The following ABCA7 variants were observed in gnomAD, a reference collection of about 807,000 sequenced individuals.
ABCA7 encodes the protein phospholipid-transporting ATPase ABCA7.
ABCA7 carries 261 observed loss-of-function variants against 227.6 expected under a neutral mutation model. The observed-to-expected ratio is 1.15, with a 90% confidence interval of 1.04 to 1.27. The LOEUF (loss-of-function observed/expected upper bound fraction) is 1.27, where lower values mean the gene tolerates loss of function less well. ABCA7 is among the 50% of genes most tolerant of loss of function. The pLI, the probability that ABCA7 is intolerant of heterozygous loss-of-function variation, is 0.00. For missense variants in ABCA7, 3,331 were observed against 2,924.5 expected (o/e 1.14, Z -3.21); for synonymous variants, 1,488 against 1,279.7 (o/e 1.16, Z -3.47).
Position 1,054,278 on chromosome 19 carries a change from C to G in ABCA7, c.3663C>G (p.Leu1221=). Reference sequence around the variant, plus strand: ...GCTGGGCACTGACCCGCCAGCAGCTCCAGGCCCTGCTTCTCAAGCGCTTTC... The same window carrying G: ...GCTGGGCACTGACCCGCCAGCAGCTGCAGGCCCTGCTTCTCAAGCGCTTTC... The part of the protein sequence containing the change: ...VQGWALTRQQ[L]QALLLKRFLL... Residue 1221 remains leucine, a synonymous_variant, in exon 27 of 47, where the codon CTC becomes CTG. Transcript: ENST00000263094. This position sits in a 1 kb window ranked among gnomAD's most constrained non-coding sequence, Gnocchi z 4.8. 1 of 1,608,244 alleles carries G rather than the reference C, an allele frequency of 6.2e-7. No homozygotes were observed. Among genetic ancestry groups the G allele is most frequent in the Non-Finnish European group, 8.5e-7 (1 of 1,179,354 alleles).
chr19:1,057,580 C>A, intron 35 of ABCA7, 151 bp downstream of exon 35: 1 of 844,186 alleles, frequency 1.2e-6, no homozygotes, highest in Non-Finnish European at 1.9e-6. Flanking sequence ...AGTGGTGTGC[C>A]AAGGTGGCCT....
Position 1,047,608 on chromosome 19 carries a change from G to A in ABCA7, c.2223G>A (p.Ala741=), listed in dbSNP as rs1326518760. The A allele has an allele frequency of 1.9e-6, 3 of 1,601,982 alleles. No individual in the cohort carries two copies. Among genetic ancestry groups the A allele is most frequent in the South Asian group, 1.1e-5 (1 of 90,790 alleles). Reference sequence around the variant, plus strand: ...TCTCTGGCCTTCTGCTGCTGGACGCGGCGCTCTACGGCCTCGCCACCTGGT... The same window carrying A: ...TCTCTGGCCTTCTGCTGCTGGACGCAGCGCTCTACGGCCTCGCCACCTGGT... ...AQVSGLLLLD[A]ALYGLATWYL... Residue 741 remains alanine (A), a synonymous_variant, in exon 16 of 47, where the codon GCG becomes GCA. Transcript: ENST00000263094.
At chr19:1,063,708 G>A (rs1026285887) in intron 43 of ABCA7, 30 bp downstream of exon 43, 3 of 1,562,992 alleles carry the variant, frequency 1.9e-6, no homozygotes, top group Non-Finnish European at 8.7e-7. Flanking sequence ...GGGTGGGGTG[G>A]GGCCTGCGAC....
chr19:1,052,625 A>AG (rs1568347194), intron 23 of ABCA7, among the ~76,000 whole-genome samples: 3 of 282 alleles, frequency 0.011, 1 homozygote, highest in East Asian at 0.11. Flanking sequence ...AGGGGGAGGG[A>AG]AAGGGGGAGG....
At position 1,063,873 on chromosome 19, in the gene ABCA7, G is replaced by C. The variant is rs560065713; in HGVS notation, c.5951+10G>C. On this transcript the variant is annotated intron_variant, in intron 44 of 46. Coordinates refer to ENST00000263094, the MANE Select transcript of ABCA7 (RefSeq NM_019112.4). ...TGCTCACCTCCCATAGGTGGGCCGG[G>C]CTCTGATGCCCTGGGCTGTGGTTAA... is the stretch of plus-strand genomic sequence containing the variant. 173 of 1,524,192 alleles carry C rather than the reference G, an allele frequency of 1.1e-4. No individual in the cohort carries two copies. Among genetic ancestry groups the C allele is most frequent in the Non-Finnish European group, 1.4e-4 (154 of 1,135,404 alleles). The allele number at this position is 1,524,192 out of a possible 1,614,324, so 94.4% of individuals were successfully genotyped here. A position where few individuals can be genotyped will look rare whatever the true frequency, so the allele number is the denominator to read the frequency against.
At position 1,055,928 on chromosome 19, in the gene ABCA7, G is replaced by A; in HGVS notation, c.4227G>A (p.Val1409=). The change falls in exon 31 of 47, where the codon GTG becomes GTA. Residue 1409 remains valine (V), a synonymous_variant. Transcript: ENST00000263094. Reference sequence around the variant, plus strand: ...ACAGCCTGAAGACTAAGAAGTGGGTGAATGAGGTCAGGTGAGGAGGGGTCT... The same window carrying A: ...ACAGCCTGAAGACTAAGAAGTGGGTAAATGAGGTCAGGTGAGGAGGGGTCT... ...VRQGLKTKKW[V]NEVRYGGFSL... The A allele has an allele frequency of 6.3e-7, 1 of 1,595,420 alleles. No individual in the cohort carries two copies. The highest frequency in any genetic ancestry group is 8.5e-7 in the Non-Finnish European group (1 of 1,169,886).
Position 1,057,297 on chromosome 19 carries a change from T to A in ABCA7, c.4765-17T>A. ...ACCTCTTTAGGCTGATAAAGGTAAC[T>A]GCCATCTCCAATGCAGTGTAACTAC... On this transcript the variant is annotated splice_polypyrimidine_tract_variant and intron_variant, in intron 34 of 46. Transcript: ENST00000263094. 6.2e-7 allele frequency: 1 copy of A among 1,613,248 alleles called. No individual in the cohort carries two copies. Among genetic ancestry groups the A allele is most frequent in the Non-Finnish European group, 8.5e-7 (1 of 1,179,430 alleles).
chr19:1,054,583 C>A lies in ABCA7; in HGVS notation c.3740C>A (p.Ala1247Asp). ...RGLFAQIVLP[A>D]LFVGLALVFS... ...CTGGTCCCCCAGATCGTGCTGCCTG[C>A]CCTCTTTGTGGGCCTGGCCCTCGTG... The change falls in exon 28 of 47, where the codon GCC becomes GAC. Residue 1247 changes from alanine to aspartate, a missense_variant. Coordinates refer to ENST00000263094, the MANE Select transcript of ABCA7 (RefSeq NM_019112.4). The surrounding 1 kb of genome is among the most constrained non-coding windows in gnomAD (Gnocchi z 4.8). The A allele has an allele frequency of 6.2e-7, 1 of 1,610,868 alleles. No homozygotes were observed. Among genetic ancestry groups the A allele is most frequent in the Non-Finnish European group, 8.5e-7 (1 of 1,178,598 alleles).
At position 1,056,863 on chromosome 19, in the gene ABCA7, C is replaced by CATG; in HGVS notation, c.4587-43_4587-41dup. 6.3e-7 allele frequency: 1 copy of CATG among 1,589,266 alleles called. No individual in the cohort carries two copies. On this transcript the variant is annotated intron_variant, in intron 33 of 46. Transcript: ENST00000263094. The surrounding 1 kb of genome is among the most constrained non-coding windows in gnomAD (Gnocchi z 4.3). ...GTGTTCAGCTCTGCTCTGAGCAACC[C>CATG]ATGCACCCTCACCCTACAACAGCTC...
At chr19:1,063,939 C>T in intron 44 of ABCA7, 76 bp downstream of exon 44, 1 of 1,453,282 alleles carries the variant, frequency 6.9e-7, no homozygotes, top group Non-Finnish European at 9.1e-7. Context: ...AGCACAAGGC[C>T]ACAGGGGATG....
chr19:1,053,133 A>G (rs1324113867), intron 23 of ABCA7, among the ~76,000 whole-genome samples, 196 bp from the exon 24 acceptor site: 3 of 152,180 alleles, frequency 2.0e-5, no homozygotes, highest in African/African-American at 7.2e-5. Context: ...ACCTCAGGTG[A>G]TCTGCCTGCT....
At chr19:1,064,277 A>T in intron 45 of ABCA7, 24 bp downstream of exon 45, 1 of 1,540,248 alleles carries the variant, frequency 6.5e-7, no homozygotes, top group Non-Finnish European at 8.7e-7. Flanking sequence ...GCCTCCAGGC[A>T]GGTGTGGGGT....
chr19:1,048,982 G>C lies in ABCA7; in HGVS notation c.2357G>C (p.Cys786Ser), dbSNP rs1194091425. Residue 786 changes from cysteine (C) to serine (S), a missense_variant, in exon 17 of 47, where the codon TGC becomes TCC. By Grantham distance (112) the Cys-to-Ser change is moderately radical. Coordinates refer to ENST00000263094, the MANE Select transcript of ABCA7 (RefSeq NM_019112.4). The part of the protein sequence containing the change: ...GPRPPKSPAP[C>S]PTPLDPKVLV... ...CGGCCCCCCAAGAGTCCAGCCCCTT[G>C]CCCCACCCCGCTGGACCCAAAGGGT... 5 of 1,600,066 alleles carry C rather than the reference G, an allele frequency of 3.1e-6. No homozygotes were observed. The highest frequency in any genetic ancestry group is 4.3e-6 in the Non-Finnish European group (5 of 1,173,618).
intron 37 of ABCA7, 72 bp from the exon 38 acceptor site, chr19:1,058,546 A>G: frequency 5.7e-6 from 9 of 1,587,816 alleles, no homozygotes; most frequent in Non-Finnish European, 7.7e-6. Flanking sequence ...AAGAATCCAG[A>G]GTGACATGGA....
At chr19:1,062,577 C>T (rs1423215154) in intron 42 of ABCA7, among the ~76,000 whole-genome samples, 1 of 152,064 alleles carries the variant, frequency 6.6e-6, no homozygotes, top group Admixed American at 6.5e-5. Flanking sequence ...CGTTGCCCCT[C>T]TCTCCTTGAC....
intron 9 of ABCA7, 120 bp from the exon 10 acceptor site, chr19:1,043,605 G>A (rs1192876898): frequency 1.3e-6 from 2 of 1,557,134 alleles, no homozygotes; most frequent in Non-Finnish European, 1.8e-6. Flanking sequence ...AGCCGATGGA[G>A]GGGGATCAGC....
At position 1,045,042 on chromosome 19, in the gene ABCA7, C is replaced by T. The variant is rs1288899237; in HGVS notation, c.1256C>T (p.Ala419Val). ...LDKLEAAPSEAALVSRALQLL... is the reference protein window; with the variant it reads ...LDKLEAAPSEVALVSRALQLL... ...AAGCTGGAGGCGGCACCCTCAGAGGCAGCCCTGGTGTCGCGGGCCCTGCAA... is the reference window on the plus strand; with the variant it reads ...AAGCTGGAGGCGGCACCCTCAGAGGTAGCCCTGGTGTCGCGGGCCCTGCAA... The change falls in exon 12 of 47, where the codon GCA (alanine) becomes GTA (valine). Residue 419 changes from alanine to valine, a missense_variant. Coordinates refer to ENST00000263094, the MANE Select transcript of ABCA7 (RefSeq NM_019112.4). The T allele has an allele frequency of 6.2e-7, 1 of 1,612,898 alleles. No individual in the cohort carries two copies. Among genetic ancestry groups the T allele is most frequent in the South Asian group, 1.1e-5 (1 of 91,076 alleles).
intron 16 of ABCA7, among the ~76,000 whole-genome samples, chr19:1,048,304 C>A (rs548091360): frequency 6.7e-6 from 1 of 149,364 alleles, no homozygotes; most frequent in African/African-American, 2.5e-5. Flanking sequence ...TCGAGACCAG[C>A]CTGACCAACA....
At position 1,042,324 on chromosome 19, in the gene ABCA7, A is replaced by G; in HGVS notation, c.425A>G (p.Gln142Arg). The G allele has an allele frequency of 1.3e-6, 2 of 1,579,372 alleles. No individual in the cohort carries two copies. Among genetic ancestry groups the G allele is most frequent in the Non-Finnish European group, 1.7e-6 (2 of 1,156,878 alleles). The change falls in exon 6 of 47, where the codon CAA becomes CGA. Residue 142 changes from glutamine (Q) to arginine (R), a missense_variant. Coordinates refer to ENST00000263094, the MANE Select transcript of ABCA7 (RefSeq NM_019112.4). ...LRAARSTAQPQPTKQSPLEPP... is the reference protein window; with the variant it reads ...LRAARSTAQPRPTKQSPLEPP... The stretch of plus-strand genomic sequence containing the variant: ...TGCGCTCCTCCCCCAGCCCAGCCTC[A>G]ACCAACCAAGCAGTCTCCACTGGAA...
Sources: allele counts gnomAD v4.1 joint callset (sites outside exome capture counted in the v4.1 genomes callset), GRCh38; gene constraint gnomAD v4.1.1; non-coding constraint Gnocchi (gnomAD v3.1); transcripts MANE v1.5; gene names NCBI Gene and HGNC (gene_info 2026-07-23, HGNC 2026-07-21).